Variants in ANKFN1 observed in about 807,000 individuals in gnomAD.
ANKFN1 encodes the protein ankyrin repeat and fibronectin type III domain containing 1, also known as ankyrin repeat and fibronectin type-III domain-containing protein 1.
A neutral mutation model predicts 108.7 loss-of-function variants in ANKFN1; 74 were observed. That is an observed-to-expected ratio of 0.68 (90% CI 0.56 to 0.83). ANKFN1 has a LOEUF of 0.83. ANKFN1 is among the 40% of genes least tolerant of loss of function. The probability of loss-of-function intolerance (pLI) is 0.00; values close to 1 mark genes in which losing one functional copy is unlikely to be tolerated. For missense variants in ANKFN1, 1,505 were observed against 1,382.3 expected (o/e 1.09, Z -1.41); for synonymous variants, 547 against 516.2 (o/e 1.06, Z -0.81).
intron 20 of ANKFN1, among the ~76,000 whole-genome samples, chr17:56,501,194 G>A (rs969641948): frequency 1.8e-4 from 27 of 152,216 alleles, no homozygotes; most frequent in African/African-American, 5.8e-4. Flanking sequence ...AGGGCGGATC[G>A]TGAGAGACAG....
chr17:56,080,039 G>GGTTAC (rs1224608801), intron 4 of ANKFN1, among the ~76,000 whole-genome samples: 1 of 152,072 alleles, frequency 6.6e-6, no homozygotes, highest in Non-Finnish European at 1.5e-5. Context: ...AAAAAGGCTT[G>GGTTAC]GTTACTCAGA....
At chr17:56,124,393 C>T (rs1346574304) in intron 4 of ANKFN1, among the ~76,000 whole-genome samples, 1 of 152,212 alleles carries the variant, frequency 6.6e-6, no homozygotes, top group Non-Finnish European at 1.5e-5. Flanking sequence ...GCCACTGTAG[C>T]ATATAAGCAC....
intron 4 of ANKFN1, among the ~76,000 whole-genome samples, chr17:56,067,216 T>C (rs1018272373): frequency 2.0e-5 from 3 of 151,914 alleles, no homozygotes; most frequent in Admixed American, 6.6e-5. Context: ...CCTTTGTAAG[T>C]CTGAATAGTA....
intron 20 of ANKFN1, among the ~76,000 whole-genome samples, chr17:56,504,106 G>A (rs894510542): frequency 1.3e-5 from 2 of 152,144 alleles, no homozygotes; most frequent in African/African-American, 4.8e-5. Context: ...TCTGGGAGGG[G>A]TATCCCACTC....
chr17:56,482,088 A>G (rs2050725935), intron 17 of ANKFN1, among the ~76,000 whole-genome samples: 1 of 152,136 alleles, frequency 6.6e-6, no homozygotes, highest in African/African-American at 2.4e-5. Flanking sequence ...TATAGTCATC[A>G]TTTTGAAAAG....
chr17:56,372,612 A>G, intron 6 of ANKFN1, 34 bp from the exon 7 acceptor site: 1 of 1,580,914 alleles, frequency 6.3e-7, no homozygotes, highest in East Asian at 2.2e-5. Flanking sequence ...TTCCCCAGAA[A>G]GAAAGAGAAG....
intron 3 of ANKFN1, among the ~76,000 whole-genome samples, chr17:56,287,583 T>A (rs1472198489): frequency 6.6e-6 from 1 of 152,158 alleles, no homozygotes; most frequent in Admixed American, 6.6e-5. Context: ...CTTAAAAAGA[T>A]CTTGAAGAAG....
intron 1 of ANKFN1, among the ~76,000 whole-genome samples, chr17:56,201,601 T>C (rs1180298875): frequency 6.6e-6 from 1 of 152,126 alleles, no homozygotes; most frequent in Non-Finnish European, 1.5e-5. Context: ...AATGTGTTCA[T>C]ACCTTTTACA....
At chr17:56,132,637 A>G (rs901546975) in intron 4 of ANKFN1, among the ~76,000 whole-genome samples, 7 of 152,186 alleles carry the variant, frequency 4.6e-5, no homozygotes, top group Non-Finnish European at 1.0e-4. Context: ...TGGGTTGCTT[A>G]TAAGTAACAT....
intron 3 of ANKFN1, among the ~76,000 whole-genome samples, chr17:56,303,851 ATTTTT>A (rs34077118): frequency 1.1e-4 from 15 of 131,920 alleles, no homozygotes; most frequent in African/African-American, 4.4e-4. Flanking sequence ...CGCTGAGCCA[ATTTTT>A]TTTTTTTTTT....
At chr17:56,388,653 A>G (rs752336964) in intron 8 of ANKFN1, among the ~76,000 whole-genome samples, 3 of 152,102 alleles carry the variant, frequency 2.0e-5, no homozygotes, top group Non-Finnish European at 4.4e-5. Flanking sequence ...TTTTCTTCAT[A>G]TCTCTAATTA....
chr17:56,260,899 A>C (rs895338687), intron 3 of ANKFN1, among the ~76,000 whole-genome samples: 9 of 152,230 alleles, frequency 5.9e-5, no homozygotes, highest in African/African-American at 1.9e-4. Context: ...ATTAATTCCC[A>C]AATGACAGAG....
chr17:56,489,702 T>A (rs1027882434), intron 18 of ANKFN1, among the ~76,000 whole-genome samples: 1 of 152,192 alleles, frequency 6.6e-6, no homozygotes, highest in South Asian at 2.1e-4. Context: ...TCCAGTCATA[T>A]TTTAGAAAGG....
chr17:56,109,572 C>G (rs1164938549), intron 4 of ANKFN1, among the ~76,000 whole-genome samples: 1 of 152,012 alleles, frequency 6.6e-6, no homozygotes, highest in Non-Finnish European at 1.5e-5. Flanking sequence ...ATAATCAGAA[C>G]AATCAGAATG....
chr17:56,078,524 C>T (rs144754338), intron 4 of ANKFN1, among the ~76,000 whole-genome samples: 290 of 152,288 alleles, frequency 1.9e-3, no homozygotes, highest in South Asian at 3.5e-3. Context: ...TATATTGTGT[C>T]TTTTAATATT....
chr17:56,057,684 G>A (rs1459987176), intron 4 of ANKFN1, among the ~76,000 whole-genome samples: 1 of 152,112 alleles, frequency 6.6e-6, no homozygotes. Context: ...TACTTGAGAG[G>A]CTGAGGCAGG....
chr17:56,270,219 C>G (rs180967436), intron 3 of ANKFN1, among the ~76,000 whole-genome samples: 2 of 152,242 alleles, frequency 1.3e-5, no homozygotes, highest in East Asian at 3.9e-4. Context: ...TTTTGGTTAG[C>G]AGAGTCTCCG....
rs1422215982 is a variant in ANKFN1 at position 56,123,208 on chromosome 17, C to T, written c.288+76883C>T. Among the ~76,000 whole-genome samples the T allele has an allele frequency of 3.3e-5, 5 of 152,330 alleles. No individual in the cohort carries two copies. In the East Asian group the frequency reaches 9.6e-4, roughly 29 times the overall value. On this transcript the variant is annotated intron_variant, in intron 4 of 12. Coordinates refer to the ANKFN1 transcript ENST00000635860. ...ACATTTTAGCTAGTGCTAAATCTAC[C>T]AGCTGCATTCTGTAGCCCATGCTCT...
intron 1 of ANKFN1, among the ~76,000 whole-genome samples, chr17:56,168,256 CAAAA>C (rs763624819): frequency 3.3e-5 from 2 of 60,208 alleles, no homozygotes; most frequent in African/African-American, 5.1e-5. Flanking sequence ...GACTCTGTCA[CAAAA>C]AAAAAAAAAA....
Sources: allele counts gnomAD v4.1 joint callset (sites outside exome capture counted in the v4.1 genomes callset), GRCh38; gene constraint gnomAD v4.1.1; transcripts MANE v1.5; gene names NCBI Gene and HGNC (gene_info 2026-07-23, HGNC 2026-07-21).